Variants in SLC37A1 observed in about 807,000 individuals in gnomAD.
SLC37A1 encodes the protein solute carrier family 37 member 1, also known as glucose-6-phosphate exchanger SLC37A1.
A neutral mutation model predicts 75.3 loss-of-function variants in SLC37A1; 49 were observed. That is an observed-to-expected ratio of 0.65 (90% confidence interval 0.52 to 0.83). The LOEUF is 0.83. SLC37A1 is among the 40% of genes least tolerant of loss of function. The pLI is 0.00. For synonymous variants in SLC37A1, 268 were observed against 292.1 expected, an observed-to-expected ratio of 0.92 and a Z score of 0.84; for missense variants, 566 against 695.0, an observed-to-expected ratio of 0.81 and a Z score of 2.09.
rs752706005 is a variant in SLC37A1 at position 42,561,982 on chromosome 21, T to G, written c.982-96T>G. 4.1e-5 allele frequency: 41 copies of G among 996,680 alleles called. No homozygotes were observed. The Middle Eastern group carries it at 6.2e-4, about 15-fold the overall frequency. The allele number at this position is 996,680 out of a possible 1,614,324, so 61.7% of individuals were successfully genotyped here. On this transcript the variant is annotated intron_variant, in intron 11 of 19. Transcript: ENST00000352133. ...AAAGCCAGACCAGAGACAGGATGTC[T>G]TTATGGGAGCGAAGTCATATTTAAC...
chr21:42,547,309 C>T lies in SLC37A1; in HGVS notation c.768+169C>T, dbSNP rs1419105125. On this transcript the variant is annotated intron_variant, in intron 9 of 19. Coordinates refer to ENST00000352133, the MANE Select transcript of SLC37A1 (RefSeq NM_001320537.2). This position sits in a 1 kb window ranked among gnomAD's most constrained non-coding sequence, Gnocchi z 6.1. ...ATAGAGAATATTCTGTTTTGGGTTTCGCTGATAATAACCTTATCAGCAAAA... is the reference window on the plus strand; with the variant it reads ...ATAGAGAATATTCTGTTTTGGGTTTTGCTGATAATAACCTTATCAGCAAAA... 1.1e-5 allele frequency: 8 copies of T among 704,862 alleles called. No individual in the cohort carries two copies. Among genetic ancestry groups the T allele is most frequent in the Non-Finnish European group, 1.9e-5 (8 of 413,586 alleles). 43.7% of individuals were successfully genotyped at this position (704,862 alleles called of 1,614,324 possible).
At chr21:42,528,600 C>T (rs1422529595) in intron 3 of SLC37A1, among the ~76,000 whole-genome samples, 3 of 152,040 alleles carry the variant, frequency 2.0e-5, no homozygotes, top group South Asian at 2.1e-4. Flanking sequence ...CCGAGGTGGG[C>T]GGATCACCTG....
chr21:42,541,750 T>C (rs1369402132), intron 6 of SLC37A1, among the ~76,000 whole-genome samples: 1 of 152,160 alleles, frequency 6.6e-6, no homozygotes, highest in Non-Finnish European at 1.5e-5. Flanking sequence ...TTTGTATTTG[T>C]TTATTTTTTG....
chr21:42,579,617 T>A (rs573970272), intron 18 of SLC37A1, 119 bp from the exon 19 acceptor site: 1 of 601,266 alleles, frequency 1.7e-6, no homozygotes, highest in African/African-American at 2.8e-5. Context: ...CCAGGGAAGG[T>A]GCTGTGGGGA....
intron 4 of SLC37A1, among the ~76,000 whole-genome samples, chr21:42,535,096 T>G (rs2055101991): frequency 6.6e-6 from 1 of 152,224 alleles, no homozygotes; most frequent in Non-Finnish European, 1.5e-5. Flanking sequence ...GGCATAGTTC[T>G]GTGGGTGAGA....
At chr21:42,554,832 C>T (rs2055643435) in intron 10 of SLC37A1, among the ~76,000 whole-genome samples, 1 of 152,174 alleles carries the variant, frequency 6.6e-6, no homozygotes, top group South Asian at 2.1e-4. Flanking sequence ...CTACCCTTCC[C>T]ATCATTGATC....
chr21:42,541,257 A>G (rs1331465044), intron 6 of SLC37A1, among the ~76,000 whole-genome samples: 5 of 151,958 alleles, frequency 3.3e-5, no homozygotes, highest in Non-Finnish European at 5.9e-5. Context: ...CCCACTACTC[A>G]CCTCCTGCTG....
chr21:42,516,588 A>G (rs1457106289), intron 1 of SLC37A1, among the ~76,000 whole-genome samples: 9 of 152,234 alleles, frequency 5.9e-5, no homozygotes, highest in Non-Finnish European at 1.3e-4. Context: ...TGCACTCACT[A>G]TGAGAATTTA....
intron 17 of SLC37A1, among the ~76,000 whole-genome samples, chr21:42,574,042 C>T (rs1569046622): frequency 6.6e-6 from 1 of 152,134 alleles, no homozygotes; most frequent in Admixed American, 6.6e-5. Context: ...CACATGCACA[C>T]ACACATATAT....
intron 11 of SLC37A1, chr21:42,561,846 G>A: frequency 2.0e-6 from 1 of 492,480 alleles, no homozygotes; most frequent in Non-Finnish European, 3.6e-6. Context: ...CTTCTCAGAG[G>A]CCCCGCCCCT....
chr21:42,518,646 T>C lies in SLC37A1; in HGVS notation c.56+136T>C, dbSNP rs1441093926. ...ACTGACCTCACCCATAACCGTTGAA[T>C]TGCTTTTTGGTGGTGGAAGCCGTGA... On this transcript the variant is annotated intron_variant, in intron 2 of 19. Coordinates refer to ENST00000352133, the MANE Select transcript of SLC37A1 (RefSeq NM_001320537.2). The C allele has an allele frequency of 4.9e-6, 5 of 1,018,974 alleles. No individual in the cohort carries two copies. The South Asian group carries it at 7.1e-5, about 15-fold the overall frequency. The allele number at this position is 1,018,974 out of a possible 1,614,324, so 63.1% of individuals were successfully genotyped here.
chr21:42,556,599 G>C (rs183586884), intron 10 of SLC37A1, among the ~76,000 whole-genome samples: 1 of 152,190 alleles, frequency 6.6e-6, no homozygotes, highest in Non-Finnish European at 1.5e-5. Flanking sequence ...AGCCCTAAGC[G>C]TGGAGTGCAC....
rs2056405027 is a variant in SLC37A1 at position 42,580,594 on chromosome 21, G to GA, written c.*235dup. On this transcript the variant is annotated 3_prime_UTR_variant, in exon 20 of 20. Transcript: ENST00000352133. ...AGGAACTGCTGCCTGAGCCAAGCCA[G>GA]AGAACCGAAGACCCGGCCGGCCCTG... The GA allele has an allele frequency of 4.6e-6, 2 of 439,354 alleles. No homozygotes were observed. Among genetic ancestry groups the GA allele is most frequent in the Non-Finnish European group, 8.2e-6 (2 of 243,194 alleles). 27.2% of individuals were successfully genotyped at this position (439,354 alleles called of 1,614,324 possible). A position where few individuals can be genotyped will look rare whatever the true frequency, so the allele number is the denominator to read the frequency against.
chr21:42,539,798 TC>T (rs58348531), intron 6 of SLC37A1, 151 bp downstream of exon 6: 387,909 of 690,054 alleles, frequency 0.56, 114,537 homozygotes, highest in Admixed American at 0.71. Flanking sequence ...ACAAAGTCCT[TC>T]CCTTTCTCTT....
In SLC37A1 at chr21:42,562,112, C is replaced by T; in HGVS notation, c.1016C>T (p.Ala339Val). 1.2e-6 allele frequency: 2 copies of T among 1,614,194 alleles called. No homozygotes were observed. Among genetic ancestry groups the T allele is most frequent in the Non-Finnish European group, 1.7e-6 (2 of 1,180,030 alleles). Residue 339 changes from alanine (A) to valine (V), a missense_variant, in exon 12 of 20, where the codon GCC becomes GTC. Transcript: ENST00000352133. The part of the protein sequence containing the change: ...VIEFSLCLLF[A>V]KLVSYTFLFW... Reference sequence around the variant, plus strand: ...GAGTTCTCACTGTGTCTGCTGTTTGCCAAGCTGGTCAGCTATACTTTCCTC... The same window carrying T: ...GAGTTCTCACTGTGTCTGCTGTTTGTCAAGCTGGTCAGCTATACTTTCCTC...
chr21:42,566,057 C>A (rs1249954851), intron 15 of SLC37A1, among the ~76,000 whole-genome samples, 182 bp downstream of exon 15: 4 of 152,240 alleles, frequency 2.6e-5, no homozygotes, highest in African/African-American at 9.6e-5. Context: ...GGTCTCCTCT[C>A]CCCAGTGCGA....
intron 2 of SLC37A1, among the ~76,000 whole-genome samples, chr21:42,506,219 G>A (rs1414332368): frequency 6.6e-6 from 1 of 152,164 alleles, no homozygotes; most frequent in Non-Finnish European, 1.5e-5. Flanking sequence ...TAGGAACTTT[G>A]TAGGCATATT....
At chr21:42,578,828 C>T (rs1247272698) in intron 18 of SLC37A1, among the ~76,000 whole-genome samples, 2 of 152,176 alleles carry the variant, frequency 1.3e-5, no homozygotes, top group Non-Finnish European at 2.9e-5. Context: ...GAGTTTCTGC[C>T]TTCTAGAGCT....
At chr21:42,535,605 G>A in intron 5 of SLC37A1, 55 bp downstream of exon 5, 1 of 1,487,444 alleles carries the variant, frequency 6.7e-7, no homozygotes, top group South Asian at 1.1e-5. Flanking sequence ...CCTCCGTGCA[G>A]AGAAGACATC....
Sources: gnomAD v4.1 joint callset for allele counts (sites outside exome capture counted in the v4.1 genomes callset) on GRCh38, gnomAD v4.1.1 for gene constraint, Gnocchi (gnomAD v3.1) non-coding constraint, MANE v1.5 for transcripts, NCBI Gene and HGNC (gene_info 2026-07-23, HGNC 2026-07-21) for gene names.